CNKSR2: variants seen among roughly 807,000 people sequenced by gnomAD.
CNKSR2 encodes connector enhancer of kinase suppressor of Ras 2.
Under a neutral mutation model 84.4 loss-of-function variants are expected in CNKSR2, and 14 were observed. The observed-to-expected ratio is 0.17, with a 90% CI of 0.11 to 0.26. The LOEUF is 0.26. Among genes scored for constraint, CNKSR2 ranks in the 10% least tolerant of loss-of-function variants. The pLI is 1.00. For synonymous variants in CNKSR2, 275 were observed against 277.9 expected (o/e 0.99, Z 0.10); for missense variants, 485 against 771.2 (o/e 0.63, Z 4.40).
intron 4 of CNKSR2, among the ~76,000 whole-genome samples, chrX:21,464,370 T>C (rs763611918): frequency 8.9e-6 from 1 of 112,098 alleles, no homozygotes; most frequent in African/African-American, 3.2e-5. Context: ...GAAGACTGTT[T>C]TTCCTACCTC....
chrX:21,464,821 A>G (rs1004643563), intron 4 of CNKSR2, among the ~76,000 whole-genome samples: 2 of 112,579 alleles, frequency 1.8e-5, no homozygotes, highest in Non-Finnish European at 3.7e-5. Flanking sequence ...TTTTTGAAAG[A>G]GATTCAAAAT....
intron 4 of CNKSR2, among the ~76,000 whole-genome samples, chrX:21,453,808 A>G (rs982356606): frequency 2.7e-5 from 3 of 111,615 alleles, no homozygotes; most frequent in African/African-American, 9.8e-5. Flanking sequence ...GTGAAAGGGA[A>G]GCAGGCACAT....
chrX:21,616,454 TAAAAC>T (rs1382039456), intron 20 of CNKSR2, among the ~76,000 whole-genome samples: 1 of 111,716 alleles, frequency 9.0e-6, no homozygotes, highest in East Asian at 2.8e-4. Context: ...ACATATGACA[TAAAAC>T]AAATCAAAAC....
intron 3 of CNKSR2, among the ~76,000 whole-genome samples, chrX:21,436,329 T>A (rs1354703176): frequency 1.8e-5 from 2 of 111,862 alleles, no homozygotes; most frequent in Non-Finnish European, 3.8e-5. Flanking sequence ...CTTATTAGTT[T>A]CTAATTTGTT....
At chrX:21,531,825 C>T in intron 10 of CNKSR2, 31 bp from the exon 11 acceptor site, 1 of 1,046,834 alleles carries the variant, frequency 9.6e-7, no homozygotes, top group South Asian at 2.0e-5. Flanking sequence ...CATGTTTCTA[C>T]ATCTTCTCCT....
chrX:21,635,398 G>GTGTGTGTGTATATATACACATATATA, intron 20 of CNKSR2, among the ~76,000 whole-genome samples: 1 of 104,381 alleles, frequency 9.6e-6, no homozygotes, highest in Non-Finnish European at 2.0e-5. Context: ...GTGTGTGTGT[G>GTGTGTGTGTATATATACACATATATA]TGTGTGTGTG....
At position 21,490,502 on chromosome X, in the gene CNKSR2, C is replaced by T. The variant is rs746835614; in HGVS notation, c.605C>T (p.Ser202Leu). The change falls in exon 6 of 22, where the codon TCG becomes TTG. Residue 202 changes from serine to leucine, a missense_variant. Coordinates refer to ENST00000379510, the MANE Select transcript of CNKSR2 (RefSeq NM_014927.5). ...SGVCDHIISLSSDPLVSQSAH... is the reference protein window; with the variant it reads ...SGVCDHIISLLSDPLVSQSAH... ...GTCTGTGACCACATCATATCCCTGT[C>T]GTCAGATCCTCTGGTTTCACAGTCT... 8.3e-7 allele frequency: 1 copy of T among 1,207,646 alleles called. No homozygotes were observed. Among genetic ancestry groups the T allele is most frequent in the East Asian group, 3.0e-5 (1 of 33,790 alleles).
chrX:21,523,502 A>C (rs953974076), intron 9 of CNKSR2, among the ~76,000 whole-genome samples: 8 of 111,182 alleles, frequency 7.2e-5, no homozygotes, highest in South Asian at 3.7e-4. Flanking sequence ...ATTTCTTTGT[A>C]GTGCAACAGT....
At position 21,490,411 on chromosome X, in the gene CNKSR2, A is replaced by G. The variant is rs192290934; in HGVS notation, c.562-48A>G. 8.6e-4 allele frequency: 987 copies of G among 1,143,032 alleles called. 5 individuals carry two copies. The African/African-American group carries it at 0.016, about 18-fold the overall frequency. 94.2% of individuals were successfully genotyped at this position (1,143,032 alleles called of 1,213,427 possible). A position where few individuals can be genotyped will look rare whatever the true frequency, so the allele number is the denominator to read the frequency against. ...TATTACAAAAGGTGATTTATATGTTACTTACAACACGTATTTACCACAACT... is the reference window on the plus strand; with the variant it reads ...TATTACAAAAGGTGATTTATATGTTGCTTACAACACGTATTTACCACAACT... On this transcript the variant is annotated intron_variant, in intron 5 of 21. Transcript: ENST00000379510.
rs1010357248 is a variant in CNKSR2, at chrX:21,591,270, T to G, written c.1830+76T>G. The G allele has an allele frequency of 3.4e-6, 3 of 878,274 alleles. No homozygotes were observed. In the Admixed American group the frequency reaches 9.1e-5, roughly 27 times the overall value. The allele number at this position is 878,274 out of a possible 1,213,427, so 72.4% of individuals were successfully genotyped here. On this transcript the variant is annotated intron_variant, in intron 15 of 21. Transcript: ENST00000379510. ...AAGAATCATTTTGAGACTTATATTTTAAAATCGTATAATCACCTTAAGGCC... is the reference window on the plus strand; with the variant it reads ...AAGAATCATTTTGAGACTTATATTTGAAAATCGTATAATCACCTTAAGGCC...
intron 20 of CNKSR2, among the ~76,000 whole-genome samples, chrX:21,635,492 GTGTATATA>G (rs1256479325): frequency 6.8e-5 from 7 of 103,400 alleles, no homozygotes; most frequent in South Asian, 4.1e-4. Flanking sequence ...ATATGTATAT[GTGTATATA>G]TGTATATATG....
intron 6 of CNKSR2, chrX:21,495,800 A>AC (rs2091490581): frequency 1.1e-5 from 1 of 92,039 alleles, no homozygotes; most frequent in African/African-American, 4.0e-5. Flanking sequence ...AAAAAAAAAA[A>AC]AAAAAAAAAA....
chrX:21,416,927 A>G (rs1430774079), intron 1 of CNKSR2, among the ~76,000 whole-genome samples: 2 of 111,001 alleles, frequency 1.8e-5, no homozygotes, highest in Non-Finnish European at 3.8e-5. Flanking sequence ...TCATTTGTCT[A>G]TGGTCTTATC....
At chrX:21,404,885 T>A (rs1368215470) in intron 1 of CNKSR2, among the ~76,000 whole-genome samples, 2 of 109,725 alleles carry the variant, frequency 1.8e-5, no homozygotes, top group African/African-American at 6.6e-5. Context: ...ACACAACTTA[T>A]GGGGTAATTT....
intron 1 of CNKSR2, among the ~76,000 whole-genome samples, chrX:21,410,509 T>C (rs972234544): frequency 3.6e-5 from 4 of 111,306 alleles, no homozygotes; most frequent in African/African-American, 1.3e-4. Context: ...GATTCTGATA[T>C]ATAAAGCAAA....
At chrX:21,482,172 G>C (rs1261985051) in intron 5 of CNKSR2, among the ~76,000 whole-genome samples, 1 of 112,258 alleles carries the variant, frequency 8.9e-6, no homozygotes, top group Non-Finnish European at 1.9e-5. Flanking sequence ...AGAGAGACTA[G>C]TAGCCAGCAG....
At chrX:21,635,703 T>A (rs1029076666) in intron 20 of CNKSR2, among the ~76,000 whole-genome samples, 13 of 109,805 alleles carry the variant, frequency 1.2e-4, no homozygotes, top group African/African-American at 4.3e-4. Context: ...TGACCACAGA[T>A]CAAGTTAGCT....
At chrX:21,621,636 A>G (rs1403386511) in intron 20 of CNKSR2, among the ~76,000 whole-genome samples, 3 of 110,883 alleles carry the variant, frequency 2.7e-5, no homozygotes, top group Non-Finnish European at 5.7e-5. Flanking sequence ...CAGTCATTCA[A>G]AGTCTTTATA....
At chrX:21,384,559 T>C (rs2089943213) in intron 1 of CNKSR2, among the ~76,000 whole-genome samples, 1 of 112,050 alleles carries the variant, frequency 8.9e-6, no homozygotes, top group Non-Finnish European at 1.9e-5. Flanking sequence ...GGATTTGTGA[T>C]AATTTCACTG....
Sources: gnomAD v4.1 joint callset for allele counts (sites outside exome capture counted in the v4.1 genomes callset) on GRCh38, gnomAD v4.1.1 for gene constraint, MANE v1.5 for transcripts, NCBI Gene and HGNC (gene_info 2026-07-23, HGNC 2026-07-21) for gene names.